SUGCT: variants seen among roughly 807,000 people sequenced by gnomAD.
SUGCT encodes succinyl-CoA:glutarate-CoA transferase.
SUGCT carries 41 observed loss-of-function variants against 55.0 expected under a neutral mutation model. That is an observed-to-expected ratio of 0.74 (90% CI 0.58 to 0.97). The LOEUF (loss-of-function observed/expected upper bound fraction) is 0.97, where lower values mean the gene tolerates loss of function less well. Among genes scored for constraint, SUGCT ranks in the 50% least tolerant of loss-of-function variants. The pLI is 0.00. For synonymous variants in SUGCT, 187 were observed against 200.4 expected (o/e 0.93, Z 0.56); for missense variants, 568 against 547.8 (o/e 1.04, Z -0.37).
chr7:40,891,746 TC>T, the SUGCT span, among the ~76,000 whole-genome samples: 116 of 152,238 alleles, frequency 7.6e-4, 1 homozygote, highest in East Asian at 0.021. Context: ...GAGGTGGCTC[TC>T]ACCTATAATC....
chr7:40,559,563 G>A (rs1240273276), intron 12 of SUGCT, among the ~76,000 whole-genome samples: 1 of 152,212 alleles, frequency 6.6e-6, no homozygotes, highest in Non-Finnish European at 1.5e-5. Context: ...GGGTGAGAAT[G>A]TGTATTTGTT....
intron 6 of SUGCT, among the ~76,000 whole-genome samples, chr7:40,220,503 G>A (rs539203786): frequency 6.6e-6 from 1 of 152,276 alleles, no homozygotes; most frequent in Non-Finnish European, 1.5e-5. Flanking sequence ...TAGTCCCTGA[G>A]TAACAATGGA....
intron 1 of SUGCT, among the ~76,000 whole-genome samples, chr7:40,161,924 C>T (rs1584224217): frequency 6.6e-6 from 1 of 151,946 alleles, no homozygotes; most frequent in South Asian, 2.1e-4. Context: ...TTGAGACAGA[C>T]TCTTGCTCTG....
intron 12 of SUGCT, among the ~76,000 whole-genome samples, chr7:40,565,997 A>ACGCG (rs1173066522): frequency 1.9e-3 from 129 of 66,808 alleles, no homozygotes; most frequent in Middle Eastern, 0.017. Flanking sequence ...ACACACGCAC[A>ACGCG]CACACACACA....
At chr7:40,441,069 T>C (rs1412160826) in intron 9 of SUGCT, among the ~76,000 whole-genome samples, 4 of 152,204 alleles carry the variant, frequency 2.6e-5, no homozygotes, top group South Asian at 4.1e-4. Flanking sequence ...TATTAGAATG[T>C]ATGTCTCATT....
intron 12 of SUGCT, among the ~76,000 whole-genome samples, chr7:40,528,629 C>T (rs1793926464): frequency 6.6e-6 from 1 of 151,968 alleles, no homozygotes; most frequent in South Asian, 2.1e-4. Flanking sequence ...TAAGAATGAC[C>T]CAAGTAAAAT....
the SUGCT span, among the ~76,000 whole-genome samples, chr7:41,016,380 A>G: frequency 6.6e-6 from 1 of 152,220 alleles, no homozygotes; most frequent in African/African-American, 2.4e-5. Flanking sequence ...GGAGCAGCCC[A>G]TAAGATAGCA....
chr7:40,840,154 AG>A (rs1412492921), intron 13 of SUGCT, among the ~76,000 whole-genome samples: 1 of 152,138 alleles, frequency 6.6e-6, no homozygotes, highest in East Asian at 1.9e-4. Flanking sequence ...CACATACTAA[AG>A]CGGAATCTCT....
chr7:40,249,333 A>ATG (rs1790174255), intron 7 of SUGCT, among the ~76,000 whole-genome samples: 1 of 121,114 alleles, frequency 8.3e-6, no homozygotes, highest in African/African-American at 3.3e-5. Context: ...ATATATATAT[A>ATG]TATATATATA....
chr7:40,754,434 C>T (rs941437853), intron 13 of SUGCT, among the ~76,000 whole-genome samples: 1 of 152,190 alleles, frequency 6.6e-6, no homozygotes, highest in East Asian at 1.9e-4. Context: ...CAAACATTCC[C>T]TCCCCTGCCC....
At chr7:40,261,614 T>TA (rs1791228169) in intron 7 of SUGCT, among the ~76,000 whole-genome samples, 1 of 152,208 alleles carries the variant, frequency 6.6e-6, no homozygotes. Flanking sequence ...CCTCTGGAGA[T>TA]ACTTAAAGAG....
At chr7:40,297,214 C>T (rs1382830141) in intron 8 of SUGCT, among the ~76,000 whole-genome samples, 2 of 152,078 alleles carry the variant, frequency 1.3e-5, no homozygotes, top group Admixed American at 1.3e-4. Flanking sequence ...ATGTCCTGCC[C>T]TAGGAGCCCA....
chr7:40,520,684 C>G (rs1793482970), intron 12 of SUGCT, among the ~76,000 whole-genome samples: 1 of 152,056 alleles, frequency 6.6e-6, no homozygotes, highest in Non-Finnish European at 1.5e-5. Context: ...AGAGATTTGC[C>G]ACTCTGTCTT....
intron 12 of SUGCT, among the ~76,000 whole-genome samples, chr7:40,504,273 G>C (rs1241417660): frequency 6.6e-6 from 1 of 151,390 alleles, no homozygotes; most frequent in Non-Finnish European, 1.5e-5. Flanking sequence ...AAACAAACAA[G>C]GTTTTGCTCT....
intron 12 of SUGCT, among the ~76,000 whole-genome samples, chr7:40,676,923 G>C (rs1784019131): frequency 6.6e-6 from 1 of 151,778 alleles, no homozygotes. Flanking sequence ...GTGTGTGTGT[G>C]TGTGTGTGTG....
At chr7:40,687,075 C>T (rs1016281589) in intron 12 of SUGCT, among the ~76,000 whole-genome samples, 5 of 152,236 alleles carry the variant, frequency 3.3e-5, no homozygotes, top group Admixed American at 2.6e-4. Flanking sequence ...TTGATTACTG[C>T]TTATCCACTG....
At chr7:40,922,238 T>G in the SUGCT span, among the ~76,000 whole-genome samples, 1 of 152,210 alleles carries the variant, frequency 6.6e-6, no homozygotes, top group Admixed American at 6.5e-5. Context: ...GTAAAGTATT[T>G]GTCACCTATC....
the SUGCT span, among the ~76,000 whole-genome samples, chr7:40,890,334 A>T: frequency 4.0e-3 from 504 of 127,486 alleles, 8 homozygotes; most frequent in Middle Eastern, 0.015. Context: ...TATAAATATT[A>T]ATATATAAAT....
intron 1 of SUGCT, among the ~76,000 whole-genome samples, chr7:40,176,590 C>CT (rs913759973): frequency 3.3e-5 from 5 of 151,366 alleles, no homozygotes; most frequent in South Asian, 4.2e-4. Context: ...TTCTTTTTGC[C>CT]TTTTTTTTCT....
Sources: gnomAD v4.1 joint callset for allele counts (sites outside exome capture counted in the v4.1 genomes callset) on GRCh38, gnomAD v4.1.1 for gene constraint, MANE v1.5 for transcripts, NCBI Gene and HGNC (gene_info 2026-07-23, HGNC 2026-07-21) for gene names.